UBE2E2: variants seen among roughly 807,000 people sequenced by gnomAD.
The protein encoded by UBE2E2 is ubiquitin conjugating enzyme E2 E2.
In UBE2E2, 6 loss-of-function variants were observed where a neutral mutation model predicts 24.7. The observed-to-expected ratio is 0.24, with a 90% CI of 0.13 to 0.48. UBE2E2 has a LOEUF of 0.48. Among genes scored for constraint, UBE2E2 ranks in the 20% least tolerant of loss-of-function variants. The probability of loss-of-function intolerance (pLI) is 0.99; values close to 1 mark genes in which losing one functional copy is unlikely to be tolerated. For missense variants in UBE2E2, 169 were observed against 245.0 expected (o/e 0.69, Z 2.07); for synonymous variants, 104 against 83.6 (o/e 1.24, Z -1.33).
intron 3 of UBE2E2, among the ~76,000 whole-genome samples, chr3:23,274,782 A>T (rs1047266681): frequency 3.9e-5 from 6 of 152,194 alleles, no homozygotes; most frequent in African/African-American, 1.4e-4. Flanking sequence ...AAATATTCTG[A>T]GTAGCTCTTA....
At chr3:23,412,208 G>C (rs997644529) in intron 3 of UBE2E2, among the ~76,000 whole-genome samples, 1 of 151,954 alleles carries the variant, frequency 6.6e-6, no homozygotes, top group South Asian at 2.1e-4. Flanking sequence ...GACCATAGTC[G>C]ATGAAATGCA....
chr3:23,415,310 G>A (rs536470291), intron 3 of UBE2E2, among the ~76,000 whole-genome samples: 1 of 152,126 alleles, frequency 6.6e-6, no homozygotes, highest in Non-Finnish European at 1.5e-5. Context: ...TCCTAACTAG[G>A]TCCTTCCAGT....
chr3:23,314,726 T>C (rs1410267605), intron 3 of UBE2E2, among the ~76,000 whole-genome samples: 1 of 152,230 alleles, frequency 6.6e-6, no homozygotes, highest in Non-Finnish European at 1.5e-5. Flanking sequence ...GATATGCTTT[T>C]CTGAGTAGAA....
intron 3 of UBE2E2, among the ~76,000 whole-genome samples, chr3:23,277,140 G>T (rs1002817490): frequency 2.7e-4 from 41 of 152,066 alleles, no homozygotes; most frequent in African/African-American, 9.9e-4. Context: ...ACTATGGTTG[G>T]CAGCTGTACA....
intron 4 of UBE2E2, among the ~76,000 whole-genome samples, chr3:23,503,154 T>G (rs960182407): frequency 6.6e-6 from 1 of 151,878 alleles, no homozygotes; most frequent in Admixed American, 6.6e-5. Context: ...TTTTGGGGTT[T>G]TTTTTTTGTC....
At chr3:23,381,326 A>G (rs985189829) in intron 3 of UBE2E2, among the ~76,000 whole-genome samples, 13 of 152,214 alleles carry the variant, frequency 8.5e-5, no homozygotes, top group African/African-American at 2.9e-4. Context: ...TCCTGGCAAC[A>G]AAGTTAGAAA....
chr3:23,516,601 T>G lies in UBE2E2; in HGVS notation c.361-15953T>G, dbSNP rs142033623. Among the ~76,000 whole-genome samples the G allele has an allele frequency of 2.5e-3, 386 of 152,308 alleles. 5 individuals are homozygous for G. Among genetic ancestry groups the G allele is most frequent in the East Asian group, 0.016 (83 of 5,194 alleles). On this transcript the variant is annotated intron_variant, in intron 4 of 5. Transcript: ENST00000396703. ...AATATCAAAGTGAAGACAAAATTCT[T>G]AAATATTTTTAATAGTGAAAGTGTA...
intron 3 of UBE2E2, among the ~76,000 whole-genome samples, chr3:23,354,747 G>A (rs1695887144): frequency 6.6e-6 from 1 of 152,190 alleles, no homozygotes; most frequent in African/African-American, 2.4e-5. Context: ...TGGAGAGGAT[G>A]TGGAGAAACA....
Position 23,208,983 on chromosome 3 carries a change from C to T in UBE2E2, c.176+108C>T, listed in dbSNP as rs189827887. The T allele has an allele frequency of 2.1e-4, 253 of 1,200,468 alleles. No homozygotes were observed. In the African/African-American group the frequency reaches 3.3e-3, roughly 16 times the overall value. The allele number at this position is 1,200,468 out of a possible 1,614,324, so 74.4% of individuals were successfully genotyped here. A position where few individuals can be genotyped will look rare whatever the true frequency, so the allele number is the denominator to read the frequency against. ...TTTCTGGGATGTCGGCCGTGAACTT[C>T]ATGGATTTTTCTTTTCCCTTCAAGA... On this transcript the variant is annotated intron_variant, in intron 2 of 5. Coordinates refer to ENST00000396703, the MANE Select transcript of UBE2E2 (RefSeq NM_152653.4).
rs899675111 is a variant in UBE2E2 at position 23,259,880 on chromosome 3, G to A, written c.227+42568G>A. On this transcript the variant is annotated intron_variant, in intron 3 of 5. Coordinates refer to ENST00000396703, the MANE Select transcript of UBE2E2 (RefSeq NM_152653.4). ...CTGCTTTATAGTGTCAATAAGAGGT[G>A]TGGATGGAAACACATGGAATTAGAT... Among the ~76,000 whole-genome samples, 7 of 152,308 alleles carry A rather than the reference G, an allele frequency of 4.6e-5. No individual in the cohort carries two copies. In the South Asian group the frequency reaches 1.2e-3, roughly 27 times the overall value.
At chr3:23,392,277 A>G (rs1696957003) in intron 3 of UBE2E2, among the ~76,000 whole-genome samples, 1 of 152,224 alleles carries the variant, frequency 6.6e-6, no homozygotes. Flanking sequence ...CATTCACTCA[A>G]CAAATTGAGT....
chr3:23,353,912 A>G (rs1333404357), intron 3 of UBE2E2, among the ~76,000 whole-genome samples: 1 of 152,224 alleles, frequency 6.6e-6, no homozygotes, highest in Non-Finnish European at 1.5e-5. Flanking sequence ...GAACCAAAAA[A>G]GAGCCTGCAT....
chr3:23,535,663 G>A (rs1267859213), intron 5 of UBE2E2, among the ~76,000 whole-genome samples: 3 of 121,748 alleles, frequency 2.5e-5, no homozygotes, highest in Non-Finnish European at 4.8e-5. Flanking sequence ...TCGCTCTGTC[G>A]CCCAGGCTGG....
rs143342226 is a variant in UBE2E2 at position 23,407,322 on chromosome 3, C to T, written c.228-92286C>T. On this transcript the variant is annotated intron_variant, in intron 3 of 5. Coordinates refer to ENST00000396703, the MANE Select transcript of UBE2E2 (RefSeq NM_152653.4). This position sits in a 1 kb window ranked among gnomAD's most constrained non-coding sequence, Gnocchi z 4.0. ...CCTGGTATAAACAGCCCTAGTCTAG[C>T]TGCTACACAGCTGCTTAGTTCTGGT... Among the ~76,000 whole-genome samples, 1 of 152,138 alleles carries T rather than the reference C, an allele frequency of 6.6e-6. No individual in the cohort carries two copies. The highest frequency in any genetic ancestry group is 1.5e-5 in the Non-Finnish European group (1 of 68,014).
At chr3:23,529,210 T>G (rs2125482460) in intron 4 of UBE2E2, among the ~76,000 whole-genome samples, 1 of 152,310 alleles carries the variant, frequency 6.6e-6, no homozygotes, top group Non-Finnish European at 1.5e-5. Flanking sequence ...GTTGTTTGTG[T>G]GTTGACTGGT....
intron 3 of UBE2E2, among the ~76,000 whole-genome samples, chr3:23,304,159 C>A (rs542820869): frequency 6.6e-6 from 1 of 152,292 alleles, no homozygotes; most frequent in Non-Finnish European, 1.5e-5. Flanking sequence ...TTAAAACTAA[C>A]CTTAGCAGGC....
At chr3:23,260,288 T>C (rs954103682) in intron 3 of UBE2E2, among the ~76,000 whole-genome samples, 4 of 152,252 alleles carry the variant, frequency 2.6e-5, no homozygotes, top group Admixed American at 2.6e-4. Context: ...TTAAAAACAT[T>C]TGTAAATTAT....
chr3:23,585,978 T>C (rs564605694), intron 5 of UBE2E2, among the ~76,000 whole-genome samples: 8 of 152,252 alleles, frequency 5.3e-5, no homozygotes, highest in Admixed American at 5.2e-4. Flanking sequence ...TTTAACATTC[T>C]GCTAAGAAAC....
intron 3 of UBE2E2, among the ~76,000 whole-genome samples, chr3:23,255,206 C>T (rs965629993): frequency 6.6e-6 from 1 of 150,526 alleles, no homozygotes; most frequent in African/African-American, 2.4e-5. Flanking sequence ...ACATCAGCCT[C>T]CTAGGTAGAT....
Sources: gnomAD v4.1 joint callset for allele counts (sites outside exome capture counted in the v4.1 genomes callset) on GRCh38, gnomAD v4.1.1 for gene constraint, Gnocchi (gnomAD v3.1) non-coding constraint, MANE v1.5 for transcripts, NCBI Gene and HGNC (gene_info 2026-07-23, HGNC 2026-07-21) for gene names.